The following PYROXD1 variants were observed in gnomAD, a reference collection of about 807,000 sequenced individuals.
PYROXD1 encodes tRNA ligase complex-associated NAD(P)H dehydrogenase PYROXD1.
PYROXD1 carries 42 observed loss-of-function variants against 62.0 expected under a neutral mutation model. That is an observed-to-expected ratio of 0.68 (90% CI 0.53 to 0.88). PYROXD1 has a LOEUF of 0.88. Among genes scored for constraint, PYROXD1 ranks in the 40% least tolerant of loss-of-function variants. The pLI, the probability that PYROXD1 is intolerant of heterozygous loss-of-function variation, is 0.00. For missense variants in PYROXD1, 493 were observed against 604.8 expected, an observed-to-expected ratio of 0.82 and a Z score of 1.94; for synonymous variants, 170 against 206.4, an observed-to-expected ratio of 0.82 and a Z score of 1.51.
Position 21,462,871 on chromosome 12 carries a change from G to A in PYROXD1, c.1116+9G>A. On this transcript the variant is annotated intron_variant, in intron 10 of 11. Coordinates refer to ENST00000240651, the MANE Select transcript of PYROXD1 (RefSeq NM_024854.5). Reference sequence around the variant, plus strand: ...GCCCAGTCTGGCAGCAGGTAAGCTAGCATATATAATTATATGTTTTCATCA... The same window carrying A: ...GCCCAGTCTGGCAGCAGGTAAGCTAACATATATAATTATATGTTTTCATCA... The A allele has an allele frequency of 6.2e-7, 1 of 1,609,894 alleles. No individual in the cohort carries two copies. The highest frequency in any genetic ancestry group is 8.5e-7 in the Non-Finnish European group (1 of 1,178,792).
Position 21,452,068 on chromosome 12 carries a change from CT to C in PYROXD1, c.415-8del. 6.6e-7 allele frequency: 1 copy of C among 1,521,244 alleles called. No homozygotes were observed. The allele number at this position is 1,521,244 out of a possible 1,614,324, so 94.2% of individuals were successfully genotyped here. A position where few individuals can be genotyped will look rare whatever the true frequency, so the allele number is the denominator to read the frequency against. On this transcript the variant is annotated splice_polypyrimidine_tract_variant and intron_variant, in intron 4 of 11. Coordinates refer to ENST00000240651, the MANE Select transcript of PYROXD1 (RefSeq NM_024854.5). ...TTACAAAATACTACCTCATTATTTT[CT>C]TTTTAACATAGGAATTTCAGAAACA...
At chr12:21,465,487 C>A (rs1309595919) in intron 10 of PYROXD1, among the ~76,000 whole-genome samples, 8 of 151,998 alleles carry the variant, frequency 5.3e-5, no homozygotes, top group Admixed American at 3.9e-4. Context: ...AGTGTCTGTT[C>A]ATATCCTTCG....
At chr12:21,465,879 A>G (rs1284290553) in intron 10 of PYROXD1, among the ~76,000 whole-genome samples, 1 of 152,126 alleles carries the variant, frequency 6.6e-6, no homozygotes, top group African/African-American at 2.4e-5. Flanking sequence ...TCAGCTTTCT[A>G]CATATGGCTA....
At position 21,437,754 on chromosome 12, in the gene PYROXD1, G is replaced by A; in HGVS notation, c.24G>A (p.Pro8=). 6.2e-7 allele frequency: 1 copy of A among 1,613,070 alleles called. No homozygotes were observed. The highest frequency in any genetic ancestry group is 1.7e-4 in the Middle Eastern group (1 of 6,056). MEAARPP[P]TAGKFVVVGG... ...GCATGGAGGCAGCGCGCCCTCCCCC[G>A]ACGGCAGGGAAGTTCGTGGTGGTCG... Residue 8 remains proline, a synonymous_variant, in exon 1 of 12, where the codon CCG becomes CCA. Coordinates refer to ENST00000240651, the MANE Select transcript of PYROXD1 (RefSeq NM_024854.5).
intron 7 of PYROXD1, chr12:21,456,776 A>G (rs1942605112): frequency 4.9e-6 from 2 of 410,132 alleles, no homozygotes; most frequent in African/African-American, 2.1e-5. Context: ...TTTTGCCCAG[A>G]GTAGAAGTTC....
At chr12:21,444,524 G>C (rs1942350860) in intron 2 of PYROXD1, among the ~76,000 whole-genome samples, 1 of 152,110 alleles carries the variant, frequency 6.6e-6, no homozygotes, top group Non-Finnish European at 1.5e-5. Context: ...TTTTAAAGGA[G>C]AAAAAAGATT....
chr12:21,443,634 T>C (rs1410390227), intron 2 of PYROXD1, among the ~76,000 whole-genome samples: 1 of 152,208 alleles, frequency 6.6e-6, no homozygotes, highest in Non-Finnish European at 1.5e-5. Context: ...ATAAAGCCTA[T>C]GCAAAATAAA....
chr12:21,449,251 A>G (rs1488924580), intron 3 of PYROXD1, among the ~76,000 whole-genome samples: 1 of 152,208 alleles, frequency 6.6e-6, no homozygotes, highest in Non-Finnish European at 1.5e-5. Context: ...CTTTTCAACC[A>G]ACATGGGATT....
In PYROXD1 at chr12:21,455,120, C is replaced by T. The variant is rs1329403306; in HGVS notation, c.489-12C>T. 7.3e-6 allele frequency: 10 copies of T among 1,372,230 alleles called. No individual in the cohort carries two copies. The highest frequency in any genetic ancestry group is 9.5e-6 in the Non-Finnish European group (10 of 1,047,708). The allele number at this position is 1,372,230 out of a possible 1,614,324, so 85.0% of individuals were successfully genotyped here. ...TTGAAATCACTCTTAGTAACTTTAACATTGTTTTTAGGTATGAAATTGAAG... is the reference window on the plus strand; with the variant it reads ...TTGAAATCACTCTTAGTAACTTTAATATTGTTTTTAGGTATGAAATTGAAG... On this transcript the variant is annotated splice_polypyrimidine_tract_variant and intron_variant, in intron 5 of 11. Coordinates refer to ENST00000240651, the MANE Select transcript of PYROXD1 (RefSeq NM_024854.5).
chr12:21,461,227 C>A, intron 8 of PYROXD1, 73 bp downstream of exon 8: 6 of 937,606 alleles, frequency 6.4e-6, no homozygotes, highest in South Asian at 5.7e-5. Context: ...CTGCTGTGTT[C>A]TATTAAAAAT....
intron 3 of PYROXD1, among the ~76,000 whole-genome samples, chr12:21,445,893 A>G (rs146995775): frequency 1.8e-4 from 28 of 152,286 alleles, no homozygotes; most frequent in African/African-American, 5.3e-4. Context: ...GGAAGACTTT[A>G]CAGAGAGAGT....
chr12:21,460,972 C>T, intron 7 of PYROXD1, 53 bp from the exon 8 acceptor site: 1 of 1,135,170 alleles, frequency 8.8e-7, no homozygotes, highest in Non-Finnish European at 1.2e-6. Context: ...CATTAGTAAC[C>T]CGGGTTATTC....
rs1438671411 is a variant in PYROXD1, at chr12:21,470,269, C to T, written c.*1515C>T. The T allele has an allele frequency of 1.2e-6, 2 of 1,606,694 alleles. No homozygotes were observed. Among genetic ancestry groups the T allele is most frequent in the South Asian group, 1.1e-5 (1 of 90,440 alleles). The stretch of plus-strand genomic sequence containing the variant: ...ATTGCTGAAGCATGTTTGCAGCCTT[C>T]TTCTGGAAGTTGCCTGAATTTTTTT... On this transcript the variant is annotated 3_prime_UTR_variant, in exon 12 of 12. Coordinates refer to ENST00000240651, the MANE Select transcript of PYROXD1 (RefSeq NM_024854.5).
At chr12:21,438,046 C>T in intron 1 of PYROXD1, 1 of 572,580 alleles carries the variant, frequency 1.7e-6, no homozygotes, top group Non-Finnish European at 3.1e-6. Flanking sequence ...GCCGAGAAAC[C>T]AAAGCTGGCT....
chr12:21,449,062 C>G (rs1432530618), intron 3 of PYROXD1, among the ~76,000 whole-genome samples: 2 of 151,968 alleles, frequency 1.3e-5, no homozygotes, highest in Admixed American at 6.6e-5. Context: ...TTGTTCCACT[C>G]ACTGCTTTTC....
chr12:21,442,526 CTCT>C (rs1342437174), intron 2 of PYROXD1, among the ~76,000 whole-genome samples: 1 of 152,168 alleles, frequency 6.6e-6, no homozygotes, highest in African/African-American at 2.4e-5. Flanking sequence ...ATGGTGATGG[CTCT>C]GGTGTCTGAG....
At chr12:21,450,157 C>T (rs368750977) in intron 4 of PYROXD1, among the ~76,000 whole-genome samples, 105 of 151,988 alleles carry the variant, frequency 6.9e-4, no homozygotes, top group African/African-American at 2.4e-3. Flanking sequence ...CGTGAGCCAC[C>T]GTGCCCAGCC....
chr12:21,459,870 C>T (rs150236205), intron 7 of PYROXD1, among the ~76,000 whole-genome samples: 418 of 152,314 alleles, frequency 2.7e-3, no homozygotes, highest in African/African-American at 9.4e-3. Context: ...ACCCAGACTA[C>T]AGTGAATACT....
intron 4 of PYROXD1, among the ~76,000 whole-genome samples, chr12:21,450,147 C>A (rs867793916): frequency 6.6e-6 from 1 of 151,754 alleles, no homozygotes; most frequent in Non-Finnish European, 1.5e-5. Flanking sequence ...GGATTACAGG[C>A]GTGAGCCACC....
Sources: allele counts gnomAD v4.1 joint callset (sites outside exome capture counted in the v4.1 genomes callset), GRCh38; gene constraint gnomAD v4.1.1; transcripts MANE v1.5; gene names NCBI Gene and HGNC (gene_info 2026-07-23, HGNC 2026-07-21).